Variants in TPO observed in about 807,000 individuals in gnomAD.
TPO encodes the protein thyroid microsomal antigen.
In TPO, 78 loss-of-function variants were observed where a neutral mutation model predicts 96.9. The ratio of observed to expected loss-of-function variants is 0.81; its 90% CI spans 0.67 to 0.97. TPO has a LOEUF of 0.97. TPO is among the 50% of genes least tolerant of loss of function. The pLI is 0.00. For missense variants in TPO, 1,252 were observed against 1,274.8 expected, an observed-to-expected ratio of 0.98 and a Z score of 0.27; for synonymous variants, 547 against 538.0, an observed-to-expected ratio of 1.02 and a Z score of -0.23.
At position 1,525,093 on chromosome 2, in the gene TPO, G is replaced by A. The variant is rs548677482; in HGVS notation, c.2618+8111G>A. Among the ~76,000 whole-genome samples the A allele has an allele frequency of 4.8e-3, 394 of 81,854 alleles. 6 individuals are homozygous for A. The highest frequency in any genetic ancestry group is 0.013 in the Admixed American group (75 of 5,600). The allele number at this position is 81,854 out of a possible 152,430, so 53.7% of individuals were successfully genotyped here. On this transcript the variant is annotated intron_variant, in intron 15 of 16. Coordinates refer to ENST00000329066, the MANE Select transcript of TPO (RefSeq NM_001206744.2). ...CAACCCCCCCAAATCCCCCTACTGT[G>A]TGCAACCTGCTCAAATCCCCAAACT...
chr2:1,435,451 A>C (rs747317775), intron 4 of TPO, among the ~76,000 whole-genome samples: 2 of 152,196 alleles, frequency 1.3e-5, no homozygotes, highest in Non-Finnish European at 2.9e-5. Flanking sequence ...TGTTTCTCTC[A>C]TATCTGAAAA....
chr2:1,383,873 C>A (rs1181251802), intron 1 of TPO, among the ~76,000 whole-genome samples: 2 of 152,140 alleles, frequency 1.3e-5, no homozygotes, highest in African/African-American at 4.8e-5. Flanking sequence ...AGTCTTTAAT[C>A]CATCTTGAAT....
chr2:1,460,777 C>T (rs1668354056), intron 7 of TPO, among the ~76,000 whole-genome samples: 1 of 152,078 alleles, frequency 6.6e-6, no homozygotes, highest in South Asian at 2.1e-4. Context: ...GGGTAGGGAG[C>T]TGCACTGAGA....
In TPO at chr2:1,542,616, T is replaced by G; in HGVS notation, c.*142T>G. On this transcript the variant is annotated 3_prime_UTR_variant, in exon 17 of 17. Coordinates refer to ENST00000329066, the MANE Select transcript of TPO (RefSeq NM_001206744.2). ...AAATCTAGTACCATGTCGTAGTTAC[T>G]CTCAGGCATGGATGAATAAATGTTA... is the stretch of plus-strand genomic sequence containing the variant. 6.4e-7 allele frequency: 1 copy of G among 1,552,288 alleles called. No homozygotes were observed. Among genetic ancestry groups the G allele is most frequent in the Non-Finnish European group, 8.7e-7 (1 of 1,146,982 alleles).
intron 14 of TPO, among the ~76,000 whole-genome samples, chr2:1,509,238 G>C (rs1673811707): frequency 6.6e-6 from 1 of 152,220 alleles, no homozygotes. Context: ...TGATTGCACT[G>C]TGGTCGGAGA....
chr2:1,494,029 G>A lies in TPO; in HGVS notation c.1996G>A (p.Asp666Asn), dbSNP rs1021279074. The A allele has an allele frequency of 5.0e-6, 8 of 1,614,038 alleles. No homozygotes were observed. Among genetic ancestry groups the A allele is most frequent in the East Asian group, 2.2e-5 (1 of 44,870 alleles). ...LIGKQMKALR[D>N]GDWFWWENSH... ...TGGGAAGCAGATGAAGGCTCTGCGG[G>A]ACGGTGACTGGTACGTTCCTATCCA... Residue 666 changes from aspartate (D) to asparagine (N), a missense_variant, in exon 11 of 17, where the codon GAC becomes AAC. Asp to Asn is a conservative substitution (Grantham distance 23). Coordinates refer to ENST00000329066, the MANE Select transcript of TPO (RefSeq NM_001206744.2).
At chr2:1,448,455 T>G (rs1291403049) in intron 5 of TPO, among the ~76,000 whole-genome samples, 1 of 152,136 alleles carries the variant, frequency 6.6e-6, no homozygotes, top group African/African-American at 2.4e-5. Flanking sequence ...GCCATCCCCT[T>G]CCTCATCTGT....
chr2:1,456,159 A>G lies in TPO; in HGVS notation c.696A>G (p.Ala232=), dbSNP rs374864751. ...DDDRYSDLLM[A]WGQYIDHDIA... ...ACCGCTATTCTGACCTCCTGATGGC[A>G]TGGGGACAATACATCGACCACGACA... The change falls in exon 7 of 17, where the codon GCA becomes GCG. Residue 232 remains alanine, a synonymous_variant. Coordinates refer to ENST00000329066, the MANE Select transcript of TPO (RefSeq NM_001206744.2). 16 of 1,613,966 alleles carry G rather than the reference A, an allele frequency of 9.9e-6. No individual in the cohort carries two copies. In the African/African-American group the frequency reaches 2.0e-4, roughly 20 times the overall value.
chr2:1,454,967 G>C (rs2148587238), intron 6 of TPO, among the ~76,000 whole-genome samples: 1 of 152,300 alleles, frequency 6.6e-6, no homozygotes, highest in Non-Finnish European at 1.5e-5. Flanking sequence ...GTCTCACTTG[G>C]CTGAAATCAA....
In TPO at chr2:1,413,705, A is replaced by G. The variant is rs889119030; in HGVS notation, c.-2+160A>G. On this transcript the variant is annotated intron_variant, in intron 1 of 16. Transcript: ENST00000329066. Reference sequence around the variant, plus strand: ...GACTGACTGATGAGTGCTGTTTGCAATGACCTCCGCTGGAACATGTGAGTC... The same window carrying G: ...GACTGACTGATGAGTGCTGTTTGCAGTGACCTCCGCTGGAACATGTGAGTC... 4.1e-6 allele frequency: 4 copies of G among 985,242 alleles called. No homozygotes were observed. In the African/African-American group the frequency reaches 7.0e-5, roughly 17 times the overall value. 61.0% of individuals were successfully genotyped at this position (985,242 alleles called of 1,614,324 possible).
intron 7 of TPO, among the ~76,000 whole-genome samples, chr2:1,465,536 G>T (rs1668820826): frequency 6.6e-6 from 1 of 151,998 alleles, no homozygotes; most frequent in African/African-American, 2.4e-5. Flanking sequence ...CATGTGCATG[G>T]GTTGTGTCCC....
Position 1,515,457 on chromosome 2 carries a change from G to A in TPO, c.2519-1426G>A, listed in dbSNP as rs548444806. ...GGAGCCCAGGAGGAAAAGTCATGAG[G>A]TGCAAAGGCTAAGAGGACAGGATCG... is the stretch of plus-strand genomic sequence containing the variant. On this transcript the variant is annotated intron_variant, in intron 14 of 16. Transcript: ENST00000329066. 3.9e-5 allele frequency among the ~76,000 whole-genome samples: 6 copies of A among 152,306 alleles called. No homozygotes were observed. The East Asian group carries it at 1.2e-3, about 29-fold the overall frequency.
chr2:1,461,159 T>TG (rs1036039402), intron 7 of TPO, among the ~76,000 whole-genome samples: 6 of 151,942 alleles, frequency 3.9e-5, no homozygotes, highest in African/African-American at 1.2e-4. Flanking sequence ...TGGGGGAGGT[T>TG]GGGGGGCCTC....
intron 16 of TPO, chr2:1,541,215 G>A: frequency 8.7e-7 from 1 of 1,149,378 alleles, no homozygotes; most frequent in South Asian, 1.9e-5. Context: ...GCAGAGAGCA[G>A]AACAGTGGCC....
chr2:1,504,228 G>T (rs1045290350), intron 14 of TPO, 149 bp downstream of exon 14: 73 of 1,422,310 alleles, frequency 5.1e-5, no homozygotes, highest in East Asian at 2.6e-4. Flanking sequence ...TGCCCGAGGG[G>T]CGTCTGCGCT....
At chr2:1,505,368 CGTGTCAGGCACACCCCACCAGCCT>C (rs1365503155) in intron 14 of TPO, among the ~76,000 whole-genome samples, 11 of 145,696 alleles carry the variant, frequency 7.5e-5, no homozygotes, top group Admixed American at 6.8e-5. Context: ...CCCCCACCCC[CGTGTCAGGCACACCCCACCAGCCT>C]GTGTCAGGCA....
rs569923301 is a variant in TPO, at chr2:1,481,444, G to A, written c.1339-3152G>A. On this transcript the variant is annotated intron_variant, in intron 8 of 16. Transcript: ENST00000329066. ...TCTATGCCCCGGCCATCAGATAGCA[G>A]ACCTATTTCTGGAGCACAGCCTTGA... 3.9e-5 allele frequency among the ~76,000 whole-genome samples: 6 copies of A among 152,248 alleles called. No individual in the cohort carries two copies. In the South Asian group the frequency reaches 1.2e-3, roughly 32 times the overall value.
intron 1 of TPO, among the ~76,000 whole-genome samples, chr2:1,378,033 G>T (rs1282434994): frequency 6.6e-6 from 1 of 152,166 alleles, no homozygotes. Flanking sequence ...AGATCTGATG[G>T]TTTTATCAGG....
chr2:1,389,219 G>A (rs1003303411), intron 1 of TPO, among the ~76,000 whole-genome samples: 23 of 152,186 alleles, frequency 1.5e-4, no homozygotes, highest in African/African-American at 5.1e-4. Flanking sequence ...GAAGGGTGCT[G>A]AGGGCGTCTC....
Sources: gnomAD v4.1 joint callset for allele counts (sites outside exome capture counted in the v4.1 genomes callset) on GRCh38, gnomAD v4.1.1 for gene constraint, MANE v1.5 for transcripts, NCBI Gene and HGNC (gene_info 2026-07-23, HGNC 2026-07-21) for gene names.